CKAP5: variants seen among roughly 807,000 people sequenced by gnomAD.
CKAP5 encodes cytoskeleton-associated protein 5.
In CKAP5, 27 loss-of-function variants were observed where a neutral mutation model predicts 232.8. That is an observed-to-expected ratio of 0.12 (90% CI 0.09 to 0.16). The LOEUF (loss-of-function observed/expected upper bound fraction) is 0.16. CKAP5 is among the 10% of genes least tolerant of loss of function. The pLI is 1.00. For missense variants in CKAP5, 1,838 were observed against 2,424.7 expected, an observed-to-expected ratio of 0.76 and a Z score of 5.08; for synonymous variants, 785 against 841.1, an observed-to-expected ratio of 0.93 and a Z score of 1.16.
In CKAP5 at chr11:46,763,626, AG is replaced by A; in HGVS notation, c.3541del (p.Leu1181Ter). 6.5e-7 allele frequency: 1 copy of A among 1,540,086 alleles called. No homozygotes were observed. The highest frequency in any genetic ancestry group is 8.7e-7 in the Non-Finnish European group (1 of 1,143,624). On this transcript the variant is annotated frameshift_variant, in exon 29 of 44. Coordinates refer to ENST00000529230, the MANE Select transcript of CKAP5 (RefSeq NM_001008938.4). LOFTEE classifies it high-confidence loss of function. ...CCGTGGGGTAGTAAAATTCCACTTTAGCACCTGGAAAAAACAAACGGTGAAA... is the reference window on the plus strand; with the variant it reads ...CCGTGGGGTAGTAAAATTCCACTTTACACCTGGAAAAAACAAACGGTGAAA... ...RMKDEKGLKV[L>X]KWNFTTPRDE...
intron 1 of CKAP5, among the ~76,000 whole-genome samples, chr11:46,823,741 C>T (rs1565754209): frequency 6.6e-6 from 1 of 152,154 alleles, no homozygotes; most frequent in Non-Finnish European, 1.5e-5. Flanking sequence ...CTGCCTTAGC[C>T]TCCCAAGGAG....
Position 46,780,489 on chromosome 11 carries a change from GAAGA to G in CKAP5, c.2250-8_2250-5del. Reference sequence around the variant, plus strand: ...AATGAAAGCTTTGACATTCAACCTAGAAGAAACATTTAGAATTAAAAGCAAACAA... The same window carrying G: ...AATGAAAGCTTTGACATTCAACCTAGAACATTTAGAATTAAAAGCAAACAA... On this transcript the variant is annotated splice_polypyrimidine_tract_variant and splice_region_variant and intron_variant, in intron 18 of 43. Transcript: ENST00000529230. 1 of 1,611,926 alleles carries G rather than the reference GAAGA, an allele frequency of 6.2e-7. No homozygotes were observed. The highest frequency in any genetic ancestry group is 8.5e-7 in the Non-Finnish European group (1 of 1,178,474).
chr11:46,798,295 C>T (rs1472192096), intron 9 of CKAP5, 123 bp from the exon 10 acceptor site: 2 of 732,378 alleles, frequency 2.7e-6, no homozygotes, highest in Non-Finnish European at 4.5e-6. Context: ...CAGTCACAGG[C>T]TGGGCACAGT....
At chr11:46,781,113 A>ACTCC (rs2065337986) in intron 18 of CKAP5, among the ~76,000 whole-genome samples, 1 of 151,478 alleles carries the variant, frequency 6.6e-6, no homozygotes, top group Admixed American at 6.6e-5. Context: ...CTGAAACCAA[A>ACTCC]CTCCTGATTG....
intron 1 of CKAP5, among the ~76,000 whole-genome samples, chr11:46,845,656 G>A (rs760361703): frequency 2.0e-5 from 3 of 152,160 alleles, no homozygotes; most frequent in Non-Finnish European, 2.9e-5. Flanking sequence ...CTCCCGACAC[G>A]TTGAGAGAGA....
chr11:46,764,984 G>C (rs561899143), intron 28 of CKAP5, 147 bp downstream of exon 28: 45 of 515,910 alleles, frequency 8.7e-5, no homozygotes, highest in Non-Finnish European at 1.2e-4. Flanking sequence ...AGGAATTAAT[G>C]CTCCCATAAA....
At chr11:46,816,451 T>A in intron 3 of CKAP5, 47 bp from the exon 4 acceptor site, 1 of 1,523,910 alleles carries the variant, frequency 6.6e-7, no homozygotes. Context: ...GTAGTAAGAA[T>A]TGGAAAAAGG....
intron 16 of CKAP5, 27 bp from the exon 17 acceptor site, chr11:46,784,700 T>G (rs1199421870): frequency 6.4e-7 from 1 of 1,572,890 alleles, no homozygotes; most frequent in Admixed American, 1.7e-5. Flanking sequence ...ATCATAAAGC[T>G]AAGAGCAAGC....
chr11:46,791,431 C>A (rs1938718816), intron 13 of CKAP5, among the ~76,000 whole-genome samples: 1 of 151,944 alleles, frequency 6.6e-6, no homozygotes, highest in Non-Finnish European at 1.5e-5. Flanking sequence ...GTAATCCCAG[C>A]ACTCTGGGAG....
chr11:46,787,987 T>C (rs2065412643), intron 16 of CKAP5, among the ~76,000 whole-genome samples: 1 of 152,226 alleles, frequency 6.6e-6, no homozygotes, highest in South Asian at 2.1e-4. Context: ...ACTTAATAAA[T>C]AGTAAATATG....
chr11:46,773,024 G>A (rs1311920433), intron 24 of CKAP5, among the ~76,000 whole-genome samples: 1 of 152,132 alleles, frequency 6.6e-6, no homozygotes, highest in South Asian at 2.1e-4. Flanking sequence ...TTACAGGCGT[G>A]AGCCACCGCG....
chr11:46,763,999 C>A (rs2065179772), intron 28 of CKAP5, among the ~76,000 whole-genome samples: 1 of 152,034 alleles, frequency 6.6e-6, no homozygotes, highest in South Asian at 2.1e-4. Flanking sequence ...CTATGCCCAG[C>A]TAATTAAAAA....
rs139725188 is a variant in CKAP5 at position 46,803,196 on chromosome 11, G to A, written c.979-1892C>T. On this transcript the variant is annotated intron_variant, in intron 8 of 43. Coordinates refer to ENST00000529230, the MANE Select transcript of CKAP5 (RefSeq NM_001008938.4). ...GGAGAATCTCTTGAACCTGGGAGGC[G>A]GAGGTTGCAGTGAGCCAAGATCATA... 2.8e-3 allele frequency among the ~76,000 whole-genome samples: 422 copies of A among 151,938 alleles called. 2 individuals are homozygous for A. Among genetic ancestry groups the A allele is most frequent in the African/African-American group, 9.6e-3 (396 of 41,464 alleles).
intron 25 of CKAP5, chr11:46,770,313 CT>C: frequency 1.7e-6 from 1 of 572,976 alleles, no homozygotes; most frequent in Non-Finnish European, 3.1e-6. Flanking sequence ...GTTTTCACCC[CT>C]GTGAGGTCAG....
chr11:46,744,162 T>A lies in CKAP5; in HGVS notation c.5960A>T (p.Glu1987Val). The A allele has an allele frequency of 6.2e-7, 1 of 1,614,084 alleles. No individual in the cohort carries two copies. The highest frequency in any genetic ancestry group is 8.5e-7 in the Non-Finnish European group (1 of 1,180,020). ...MLHSKLSQLR[E>V]SREQHQHSDL... ...TGAATGCTGGTGCTGCTCCCGTGAC[T>A]CCCGGAGCTGAGAGAGTTTGCTGTG... The change falls in exon 44 of 44, where the codon GAG (glutamate) becomes GTG (valine). Residue 1987 changes from glutamate to valine, a missense_variant. Glu to Val is a moderately radical substitution (Grantham distance 121). Transcript: ENST00000529230.
At chr11:46,814,499 G>C (rs980212256) in intron 4 of CKAP5, among the ~76,000 whole-genome samples, 1 of 152,174 alleles carries the variant, frequency 6.6e-6, no homozygotes, top group African/African-American at 2.4e-5. Flanking sequence ...TTTTCTCCAA[G>C]ATGTAGGTCA....
intron 3 of CKAP5, among the ~76,000 whole-genome samples, 160 bp from the exon 4 acceptor site, chr11:46,816,564 G>A (rs1042385868): frequency 3.3e-5 from 5 of 151,964 alleles, no homozygotes; most frequent in Non-Finnish European, 5.9e-5. Context: ...AAAACTTAAC[G>A]TTAAACATAA....
chr11:46,802,094 T>G (rs1481745453), intron 8 of CKAP5: 2 of 152,212 alleles, frequency 1.3e-5, no homozygotes, highest in Non-Finnish European at 1.5e-5. Flanking sequence ...TGAATGCTAC[T>G]GCATTCTTCT....
chr11:46,780,006 G>A (rs955786618), intron 20 of CKAP5, among the ~76,000 whole-genome samples, 188 bp downstream of exon 20: 1 of 152,020 alleles, frequency 6.6e-6, no homozygotes, highest in African/African-American at 2.4e-5. Context: ...CAATACTAAT[G>A]CTGAACTTAG....
Sources: gnomAD v4.1 joint callset for allele counts (sites outside exome capture counted in the v4.1 genomes callset) on GRCh38, gnomAD v4.1.1 for gene constraint, MANE v1.5 for transcripts, NCBI Gene and HGNC (gene_info 2026-07-23, HGNC 2026-07-21) for gene names.